HERC3: variants seen among roughly 807,000 people sequenced by gnomAD.
HERC3 encodes the protein probable E3 ubiquitin-protein ligase HERC3.
A neutral mutation model predicts 129.9 loss-of-function variants in HERC3; 58 were observed. The ratio of observed to expected loss-of-function variants is 0.45; its 90% confidence interval spans 0.36 to 0.56. The LOEUF is 0.56. Ranked by LOEUF, HERC3 falls within the 20% of genes least tolerant of loss-of-function variation. The pLI is 0.00. For synonymous variants in HERC3, 430 were observed against 451.0 expected (o/e 0.95, Z 0.59); for missense variants, 835 against 1,244.2 (o/e 0.67, Z 4.95).
At chr4:88,623,762 T>C (rs1725798634) in intron 3 of HERC3, among the ~76,000 whole-genome samples, 1 of 152,248 alleles carries the variant, frequency 6.6e-6, no homozygotes, top group Admixed American at 6.5e-5. Flanking sequence ...GCATATATTT[T>C]TTGGTGTGTA....
chr4:88,564,328 C>T, the HERC3 span, among the ~76,000 whole-genome samples: 1 of 152,164 alleles, frequency 6.6e-6, no homozygotes, highest in African/African-American at 2.4e-5. Flanking sequence ...GTACTCCCTT[C>T]TCTATTTAGT....
intron 23 of HERC3, among the ~76,000 whole-genome samples, chr4:88,700,166 AT>A (rs1325284484): frequency 6.6e-6 from 1 of 150,714 alleles, no homozygotes; most frequent in African/African-American, 2.4e-5. Context: ...ATTTTTTATT[AT>A]TTTTTATTTT....
rs111834189 is a variant in HERC3 at position 88,679,103 on chromosome 4, G to A, written c.2196+969G>A. Among the ~76,000 whole-genome samples, 1,034 of 152,256 alleles carry A rather than the reference G, an allele frequency of 6.8e-3. 9 individuals are homozygous for A. Among genetic ancestry groups the A allele is most frequent in the African/African-American group, 0.024 (994 of 41,546 alleles). On this transcript the variant is annotated intron_variant, in intron 19 of 25. Transcript: ENST00000402738. The stretch of plus-strand genomic sequence containing the variant: ...ATGCTGTTTTTAGTTCTCTGCCCGA[G>A]TCATTATCTATGAAATGGGGATGAT...
chr4:88,582,980 A>G, the HERC3 span, among the ~76,000 whole-genome samples: 3 of 151,980 alleles, frequency 2.0e-5, no homozygotes, highest in East Asian at 5.8e-4. Context: ...GTGCACATGT[A>G]CACATTAATA....
At chr4:88,533,680 C>G in the HERC3 span, among the ~76,000 whole-genome samples, 2 of 152,190 alleles carry the variant, frequency 1.3e-5, no homozygotes, top group South Asian at 4.1e-4. Context: ...CTTCATAAGT[C>G]TTCTGGCTTT....
chr4:88,556,980 A>G, the HERC3 span, among the ~76,000 whole-genome samples: 4 of 151,914 alleles, frequency 2.6e-5, no homozygotes, highest in Non-Finnish European at 5.9e-5. Context: ...CATGTACCTT[A>G]TATTCACATA....
chr4:88,575,023 T>C, the HERC3 span, among the ~76,000 whole-genome samples: 1 of 152,226 alleles, frequency 6.6e-6, no homozygotes, highest in East Asian at 1.9e-4. Flanking sequence ...AGACTGTTTA[T>C]TTTAAAACTC....
intron 20 of HERC3, 74 bp from the exon 21 acceptor site, chr4:88,681,085 A>G: frequency 6.1e-6 from 9 of 1,476,238 alleles, no homozygotes; most frequent in Non-Finnish European, 8.1e-6. Context: ...AAATATTTTG[A>G]GGGAAATGGT....
intron 3 of HERC3, among the ~76,000 whole-genome samples, chr4:88,625,017 T>C (rs1337813843): frequency 6.6e-6 from 1 of 152,230 alleles, no homozygotes; most frequent in Non-Finnish European, 1.5e-5. Context: ...CTGTGTGTGC[T>C]CGTCTTTTTG....
At chr4:88,595,094 C>T (rs141601675) in intron 1 of HERC3, among the ~76,000 whole-genome samples, 1,079 of 98,804 alleles carry the variant, frequency 0.011, 15 homozygotes, top group African/African-American at 0.037. Flanking sequence ...GAGCCAGACT[C>T]TGTCTCAAAA....
rs527859380 is a variant in HERC3, at chr4:88,604,453, C to T, written c.-29-1342C>T. On this transcript the variant is annotated intron_variant, in intron 2 of 25. Transcript: ENST00000402738. ...GGCAGGTACAGTCACTCTCCATTCT[C>T]CTCTTTCCCTCCAGTCCTAGGCAGA... 5.3e-5 allele frequency among the ~76,000 whole-genome samples: 8 copies of T among 152,268 alleles called. No individual in the cohort carries two copies. The South Asian group carries it at 8.3e-4, about 16-fold the overall frequency.
At chr4:88,557,890 A>T in the HERC3 span, among the ~76,000 whole-genome samples, 1 of 151,548 alleles carries the variant, frequency 6.6e-6, no homozygotes, top group South Asian at 2.1e-4. Flanking sequence ...AAAATACAAA[A>T]TTTTTCTCGT....
chr4:88,687,517 G>C (rs1484504428), intron 23 of HERC3, among the ~76,000 whole-genome samples: 2 of 152,188 alleles, frequency 1.3e-5, no homozygotes, highest in Admixed American at 6.5e-5. Flanking sequence ...TTCTAGAGCT[G>C]CATCTTTTTG....
chr4:88,572,229 G>A, the HERC3 span, among the ~76,000 whole-genome samples: 409 of 151,842 alleles, frequency 2.7e-3, 1 homozygote, highest in Non-Finnish European at 4.1e-3. Context: ...TTGAAGACCA[G>A]CCCAGACAAC....
chr4:88,580,288 G>C, the HERC3 span, among the ~76,000 whole-genome samples: 9 of 152,190 alleles, frequency 5.9e-5, no homozygotes, highest in Non-Finnish European at 1.3e-4. Flanking sequence ...ACTTTGGGAG[G>C]CTGAGGTGGG....
At chr4:88,523,865 T>C in the HERC3 span, 1 of 623,358 alleles carries the variant, frequency 1.6e-6, no homozygotes, top group Non-Finnish European at 2.6e-6. Flanking sequence ...AGGGTGCTTC[T>C]GCTCCGACTG....
At chr4:88,533,828 T>C in the HERC3 span, among the ~76,000 whole-genome samples, 1 of 152,226 alleles carries the variant, frequency 6.6e-6, no homozygotes, top group Non-Finnish European at 1.5e-5. Flanking sequence ...ATAATAAAAC[T>C]TTCTTCTTTA....
chr4:88,621,254 C>A (rs967505728), intron 3 of HERC3, among the ~76,000 whole-genome samples: 2 of 151,922 alleles, frequency 1.3e-5, no homozygotes, highest in African/African-American at 4.8e-5. Context: ...TTACAGGTGC[C>A]CGCCACCATA....
intron 23 of HERC3, among the ~76,000 whole-genome samples, chr4:88,688,723 AT>A (rs1293275045): frequency 1.3e-5 from 2 of 152,216 alleles, no homozygotes; most frequent in African/African-American, 4.8e-5. Flanking sequence ...TTATATGAAT[AT>A]TTTTTAATTA....
Sources: allele counts gnomAD v4.1 joint callset (sites outside exome capture counted in the v4.1 genomes callset), GRCh38; gene constraint gnomAD v4.1.1; transcripts MANE v1.5; gene names NCBI Gene and HGNC (gene_info 2026-07-23, HGNC 2026-07-21).